Variants in TSPAN9 observed in about 807,000 individuals in gnomAD.
TSPAN9 encodes tetraspanin-9.
Under a neutral mutation model 31.0 loss-of-function variants are expected in TSPAN9, and 16 were observed. The observed-to-expected ratio is 0.52, with a 90% CI of 0.35 to 0.78. The LOEUF (loss-of-function observed/expected upper bound fraction) is 0.78. Among genes scored for constraint, TSPAN9 ranks in the 30% least tolerant of loss-of-function variants. The pLI, the probability that TSPAN9 is intolerant of heterozygous loss-of-function variation, is 0.01. For missense variants in TSPAN9, 272 were observed against 312.5 expected, an observed-to-expected ratio of 0.87 and a Z score of 0.98; for synonymous variants, 145 against 121.6, an observed-to-expected ratio of 1.19 and a Z score of -1.27.
In TSPAN9 at chr12:3,281,305, C is replaced by T. The variant is rs115634984; in HGVS notation, c.540C>T (p.Asn180=). The T allele has an allele frequency of 3.0e-4, 471 of 1,550,530 alleles. 1 individual carries two copies. The African/African-American group carries it at 4.9e-3, about 16-fold the overall frequency. The stretch of plus-strand genomic sequence containing the variant: ...AGAACTCCCAGGGCTGCGGGCGCAA[C>T]GCCACCACGCCTTTGTGGAGAACGG... ...CMENSQGCGR[N]ATTPLWRTGC... is the part of the protein sequence containing the mutation. The change falls in exon 7 of 9, where the codon AAC becomes AAT. Residue 180 remains asparagine (N), a synonymous_variant. Coordinates refer to ENST00000011898, the MANE Select transcript of TSPAN9 (RefSeq NM_006675.5).
intron 3 of TSPAN9, among the ~76,000 whole-genome samples, chr12:3,217,760 C>T (rs1000852014): frequency 2.8e-4 from 42 of 152,194 alleles, no homozygotes; most frequent in African/African-American, 1.0e-3. Context: ...TCCCTGCTTC[C>T]AGGCCTTCTC....
intron 2 of TSPAN9, among the ~76,000 whole-genome samples, chr12:3,158,938 C>G (rs889607677): frequency 6.6e-6 from 1 of 151,742 alleles, no homozygotes. Flanking sequence ...CGTACTCCTC[C>G]TTTGCCCGGC....
intron 3 of TSPAN9, among the ~76,000 whole-genome samples, chr12:3,276,540 G>C (rs533676511): frequency 2.6e-5 from 4 of 152,300 alleles, no homozygotes; most frequent in African/African-American, 7.2e-5. Context: ...CCCCCAGATA[G>C]TTATGTTGCT....
chr12:3,096,060 G>T (rs182546005), intron 2 of TSPAN9, among the ~76,000 whole-genome samples: 1 of 151,680 alleles, frequency 6.6e-6, no homozygotes, highest in Non-Finnish European at 1.5e-5. Flanking sequence ...CGCTCCCGGC[G>T]CGGCGGCAAA....
At chr12:3,084,540 G>A (rs577610974) in intron 2 of TSPAN9, among the ~76,000 whole-genome samples, 226 of 152,194 alleles carry the variant, frequency 1.5e-3, no homozygotes, top group African/African-American at 5.2e-3. Flanking sequence ...GGATTATTTG[G>A]TGTCCCAAGA....
At chr12:3,096,749 A>G (rs1034006131) in intron 2 of TSPAN9, among the ~76,000 whole-genome samples, 4 of 151,024 alleles carry the variant, frequency 2.6e-5, no homozygotes, top group African/African-American at 9.7e-5. Context: ...CCGGAGTGCA[A>G]TGGCATGATC....
At position 3,280,264 on chromosome 12, in the gene TSPAN9, C is replaced by G; in HGVS notation, c.331-118C>G. 1 of 897,268 alleles carries G rather than the reference C, an allele frequency of 1.1e-6. No individual in the cohort carries two copies. Among genetic ancestry groups the G allele is most frequent in the East Asian group, 2.6e-5 (1 of 38,350 alleles). 55.6% of individuals were successfully genotyped at this position (897,268 alleles called of 1,614,324 possible). The stretch of plus-strand genomic sequence containing the variant: ...GGGCAGGGCCTTCCAGACCAGCTGC[C>G]TTCCCTGCCTTCCTCACTCCTCATC... On this transcript the variant is annotated intron_variant, in intron 5 of 8. Coordinates refer to ENST00000011898, the MANE Select transcript of TSPAN9 (RefSeq NM_006675.5). The surrounding 1 kb of genome is among the most constrained non-coding windows in gnomAD (Gnocchi z 4.5).
At chr12:3,278,394 G>T in intron 3 of TSPAN9, 27 bp from the exon 4 acceptor site, 1 of 1,612,634 alleles carries the variant, frequency 6.2e-7, no homozygotes, top group Non-Finnish European at 8.5e-7. Context: ...AGCAGCGCCA[G>T]GCTAATGGGC....
At chr12:3,146,997 C>A (rs2098337571) in intron 2 of TSPAN9, among the ~76,000 whole-genome samples, 1 of 152,098 alleles carries the variant, frequency 6.6e-6, no homozygotes, top group Non-Finnish European at 1.5e-5. Flanking sequence ...CCACACTCAC[C>A]TTTCAGTAGT....
intron 2 of TSPAN9, among the ~76,000 whole-genome samples, chr12:3,199,580 G>A (rs1164014882): frequency 6.6e-6 from 1 of 152,240 alleles, no homozygotes. Flanking sequence ...CACAGGCGGG[G>A]TGAGGAAAGG....
chr12:3,282,625 A>G (rs1028712751), intron 8 of TSPAN9, among the ~76,000 whole-genome samples: 1 of 152,152 alleles, frequency 6.6e-6, no homozygotes, highest in African/African-American at 2.4e-5. Context: ...ATCTCAAGCC[A>G]TCCTCCCACC....
chr12:3,138,491 C>T (rs2098333095), intron 2 of TSPAN9, among the ~76,000 whole-genome samples: 1 of 151,404 alleles, frequency 6.6e-6, no homozygotes, highest in Non-Finnish European at 1.5e-5. Flanking sequence ...TGAGACAGGG[C>T]CTCGTGCTGT....
Position 3,211,963 on chromosome 12 carries a change from T to G in TSPAN9, c.63+10707T>G. On this transcript the variant is annotated intron_variant, in intron 3 of 8. Transcript: ENST00000011898. ...TCACCACCGGAAAGCAAAATTGCTG[T>G]CTTTGTATTTCTTTCTTTTATTTTT... 5 of 986,334 alleles carry G rather than the reference T, an allele frequency of 5.1e-6. No homozygotes were observed. In the South Asian group the frequency reaches 5.6e-5, roughly 11 times the overall value. 61.1% of individuals were successfully genotyped at this position (986,334 alleles called of 1,614,324 possible). A position where few individuals can be genotyped will look rare whatever the true frequency, so the allele number is the denominator to read the frequency against.
intron 3 of TSPAN9, among the ~76,000 whole-genome samples, chr12:3,255,874 T>C (rs578110548): frequency 2.6e-4 from 39 of 152,324 alleles, no homozygotes; most frequent in Admixed American, 2.3e-3. Flanking sequence ...GTAGATCGTG[T>C]GGCAACAAGC....
Position 3,109,299 on chromosome 12 carries a change from T to TGTGTGAGAGAGAGAGA in TSPAN9, c.-18+25581_-18+25582insTGTGAGAGAGAGAGAG, listed in dbSNP as rs1274383200. ...GTGTGTGTGTGTGTGTGTGTGTGTG[T>TGTGTGAGAGAGAGAGA]GAGAGAGAGTGTGTGTGTGTGTGTG... On this transcript the variant is annotated intron_variant, in intron 2 of 8. Coordinates refer to ENST00000011898, the MANE Select transcript of TSPAN9 (RefSeq NM_006675.5). Among the ~76,000 whole-genome samples the TGTGTGAGAGAGAGAGA allele has an allele frequency of 2.9e-3, 347 of 118,330 alleles. 1 individual carries two copies. The highest frequency in any genetic ancestry group is 7.6e-3 in the Middle Eastern group (2 of 262). The allele number at this position is 118,330 out of a possible 152,430, so 77.6% of individuals were successfully genotyped here.
chr12:3,235,268 ATAT>A (rs1565626052), intron 3 of TSPAN9, among the ~76,000 whole-genome samples: 2 of 95,820 alleles, frequency 2.1e-5, no homozygotes, highest in Non-Finnish European at 3.9e-5. Context: ...ATATATATAT[ATAT>A]GTAAGTGAAT....
intron 2 of TSPAN9, among the ~76,000 whole-genome samples, chr12:3,197,425 T>C (rs1357509740): frequency 6.6e-6 from 1 of 152,192 alleles, no homozygotes; most frequent in African/African-American, 2.4e-5. Flanking sequence ...TCGGTGGGAC[T>C]GCTATGCCGA....
At chr12:3,109,189 GC>G (rs2098316615) in intron 2 of TSPAN9, among the ~76,000 whole-genome samples, 1 of 151,414 alleles carries the variant, frequency 6.6e-6, no homozygotes, top group Non-Finnish European at 1.5e-5. Context: ...GCCCGCCTTG[GC>G]CTCCCAGAGT....
At chr12:3,164,197 A>T (rs910926825) in intron 2 of TSPAN9, among the ~76,000 whole-genome samples, 2 of 152,188 alleles carry the variant, frequency 1.3e-5, no homozygotes, top group African/African-American at 4.8e-5. Context: ...GTGCTTTCGT[A>T]TGAGTTTTTG....
Sources: gnomAD v4.1 joint callset for allele counts (sites outside exome capture counted in the v4.1 genomes callset) on GRCh38, gnomAD v4.1.1 for gene constraint, Gnocchi (gnomAD v3.1) non-coding constraint, MANE v1.5 for transcripts, NCBI Gene and HGNC (gene_info 2026-07-23, HGNC 2026-07-21) for gene names.